VAMP4: variants seen among roughly 807,000 people sequenced by gnomAD.
VAMP4 encodes vesicle associated membrane protein 4.
In VAMP4, 19 loss-of-function variants were observed where a neutral mutation model predicts 23.5. That is an observed-to-expected ratio of 0.81 (90% CI 0.56 to 1.19). VAMP4 has a LOEUF of 1.19. VAMP4 is among the 50% of genes most tolerant of loss of function. VAMP4 has a pLI of 0.00. For missense variants in VAMP4, 145 were observed against 168.6 expected, an observed-to-expected ratio of 0.86 and a Z score of 0.78; for synonymous variants, 31 against 51.0, an observed-to-expected ratio of 0.61 and a Z score of 1.67.
At position 171,701,843 on chromosome 1, in the gene VAMP4, G is replaced by T. The variant is rs1425026876; in HGVS notation, c.*2663C>A. ...CACAGGTATTACTGAGTTATAATAA[G>T]AAGGAGTAACCAATTAATCAGTATT... On this transcript the variant is annotated 3_prime_UTR_variant, in exon 8 of 8. Transcript: ENST00000236192. 3 of 152,116 alleles carry T rather than the reference G, an allele frequency of 2.0e-5. No homozygotes were observed. Among genetic ancestry groups the T allele is most frequent in the African/African-American group, 4.8e-5 (2 of 41,464 alleles). 9.4% of individuals were successfully genotyped at this position (152,116 alleles called of 1,614,324 possible). A position where few individuals can be genotyped will look rare whatever the true frequency, so the allele number is the denominator to read the frequency against.
chr1:171,719,220 T>G lies in VAMP4; in HGVS notation c.115A>C (p.Arg39=). ...CCAAATCTTGGTCCAGATGGTCCCCTTCTGAAAACAAGTACATACCAAGTA... is the reference window on the plus strand; with the variant it reads ...CCAAATCTTGGTCCAGATGGTCCCCGTCTGAAAACAAGTACATACCAAGTA... ...DSDEEEDFFL[R]GPSGPRFGPR... Residue 39 remains arginine (R), a splice_region_variant and synonymous_variant, in exon 4 of 8, where the codon AGG becomes CGG. Transcript: ENST00000236192. 4.3e-6 allele frequency: 7 copies of G among 1,611,380 alleles called. No individual in the cohort carries two copies. The highest frequency in any genetic ancestry group is 5.9e-6 in the Non-Finnish European group (7 of 1,178,610).
At position 171,721,310 on chromosome 1, in the gene VAMP4, C is replaced by A. The variant is rs1655187521; in HGVS notation, c.114-2089G>T. 2.0e-5 allele frequency among the ~76,000 whole-genome samples: 3 copies of A among 152,024 alleles called. No homozygotes were observed. The South Asian group carries it at 6.2e-4, about 32-fold the overall frequency. ...ATTGTGCTGGATGTTCTAATCAGAG[C>A]AATAAGCTAATAAAAAATAAAAGGC... On this transcript the variant is annotated intron_variant, in intron 3 of 7. Coordinates refer to ENST00000236192, the MANE Select transcript of VAMP4 (RefSeq NM_003762.5).
intron 3 of VAMP4, among the ~76,000 whole-genome samples, chr1:171,726,780 GCAAAAA>G (rs1655383234): frequency 6.6e-6 from 1 of 151,742 alleles, no homozygotes; most frequent in African/African-American, 2.4e-5. Context: ...GAAAAAAATA[GCAAAAA>G]CAATAGGAAA....
At chr1:171,721,393 A>G (rs1392787546) in intron 3 of VAMP4, among the ~76,000 whole-genome samples, 1 of 152,170 alleles carries the variant, frequency 6.6e-6, no homozygotes, top group Non-Finnish European at 1.5e-5. Flanking sequence ...TAATTGTTCT[A>G]TGTTGAAAAT....
chr1:171,719,357 C>T (rs1655118265), intron 3 of VAMP4, 136 bp from the exon 4 acceptor site: 1 of 623,200 alleles, frequency 1.6e-6, no homozygotes, highest in African/African-American at 1.9e-5. Flanking sequence ...TCATAAGGGA[C>T]CACATTTTAC....
chr1:171,721,934 C>G (rs6665590), intron 3 of VAMP4, among the ~76,000 whole-genome samples: 2 of 151,946 alleles, frequency 1.3e-5, no homozygotes, highest in Non-Finnish European at 2.9e-5. Context: ...CAAAAAAGAG[C>G]CCACATTGCC....
chr1:171,711,260 A>G (rs1654840294), intron 4 of VAMP4, among the ~76,000 whole-genome samples: 1 of 152,130 alleles, frequency 6.6e-6, no homozygotes, highest in Non-Finnish European at 1.5e-5. Context: ...ACTTTTTAAC[A>G]TACCTTTTGC....
At chr1:171,706,987 TAAG>T (rs945305590) in intron 6 of VAMP4, among the ~76,000 whole-genome samples, 26 of 152,294 alleles carry the variant, frequency 1.7e-4, no homozygotes, top group African/African-American at 5.5e-4. Flanking sequence ...TGGCTTTACT[TAAG>T]AAGATTTGAA....
At chr1:171,735,363 C>G (rs145333046) in intron 2 of VAMP4, among the ~76,000 whole-genome samples, 3 of 152,138 alleles carry the variant, frequency 2.0e-5, no homozygotes, top group Admixed American at 2.0e-4. Context: ...TTGGCTACAA[C>G]CTTCTCTGCT....
chr1:171,714,952 T>C (rs1654980476), intron 4 of VAMP4, among the ~76,000 whole-genome samples: 1 of 152,172 alleles, frequency 6.6e-6, no homozygotes, highest in South Asian at 2.1e-4. Context: ...GAATTCAGCC[T>C]GGACCAGAGA....
chr1:171,736,570 ATCATTGGTGAC>A (rs1257844904), intron 2 of VAMP4, among the ~76,000 whole-genome samples: 1 of 152,230 alleles, frequency 6.6e-6, no homozygotes, highest in African/African-American at 2.4e-5. Flanking sequence ...CAACATGGAA[ATCATTGGTGAC>A]TCCTTAAAGT....
chr1:171,739,127 G>A (rs937986683), intron 1 of VAMP4, among the ~76,000 whole-genome samples: 1 of 152,186 alleles, frequency 6.6e-6, no homozygotes, highest in African/African-American at 2.4e-5. Flanking sequence ...TTAGCCCCCA[G>A]ATAGATTCCA....
intron 1 of VAMP4, 85 bp from the exon 2 acceptor site, chr1:171,738,548 TG>T: frequency 7.6e-6 from 6 of 790,462 alleles, no homozygotes; most frequent in Non-Finnish European, 1.2e-5. Flanking sequence ...AAACCCTGTA[TG>T]ACAGGGACTC....
rs1467432301 is a variant in VAMP4 at position 171,701,112 on chromosome 1, G to GA, written c.*3393dup. The GA allele has an allele frequency of 7.9e-5, 12 of 152,034 alleles. No homozygotes were observed. Among genetic ancestry groups the GA allele is most frequent in the Admixed American group, 3.3e-4 (5 of 15,256 alleles). 9.4% of individuals were successfully genotyped at this position (152,034 alleles called of 1,614,324 possible). A position where few individuals can be genotyped will look rare whatever the true frequency, so the allele number is the denominator to read the frequency against. ...ACAAATTTCATTTGTCTACAACATG[G>GA]AAAAAACAAGTTAAGAAGTAGAGCA... On this transcript the variant is annotated 3_prime_UTR_variant, in exon 8 of 8. Coordinates refer to ENST00000236192, the MANE Select transcript of VAMP4 (RefSeq NM_003762.5).
At chr1:171,730,965 G>A (rs931160704) in intron 2 of VAMP4, among the ~76,000 whole-genome samples, 4 of 152,068 alleles carry the variant, frequency 2.6e-5, no homozygotes, top group African/African-American at 9.7e-5. Flanking sequence ...AGCACTTTGG[G>A]AGGCCCAGGC....
rs1404152385 is a variant in VAMP4 at position 171,738,448 on chromosome 1, A to G, written c.-34T>C. On this transcript the variant is annotated 5_prime_UTR_variant, in exon 2 of 8. Coordinates refer to ENST00000236192, the MANE Select transcript of VAMP4 (RefSeq NM_003762.5). ...CTTGCAAAGTATCTTTTGCTTCTCA[A>G]CAGGATAGTCACCACCTTAAAGAGA... The G allele has an allele frequency of 1.9e-6, 3 of 1,601,518 alleles. No homozygotes were observed. The African/African-American group carries it at 4.0e-5, about 21-fold the overall frequency.
chr1:171,738,269 G>GT (rs757305421), intron 2 of VAMP4, 80 bp downstream of exon 2: 6 of 1,550,144 alleles, frequency 3.9e-6, no homozygotes, highest in Non-Finnish European at 5.3e-6. Flanking sequence ...CGCCCGGATG[G>GT]TTTTTCTTCT....
chr1:171,719,145 C>A (rs539439207), intron 4 of VAMP4, 26 bp downstream of exon 4: 2 of 1,603,624 alleles, frequency 1.2e-6, no homozygotes, highest in Middle Eastern at 3.4e-4. Flanking sequence ...ATATGATTAT[C>A]ATTTAAACAA....
intron 6 of VAMP4, among the ~76,000 whole-genome samples, chr1:171,706,887 T>C (rs1423200338): frequency 6.6e-6 from 1 of 152,208 alleles, no homozygotes; most frequent in African/African-American, 2.4e-5. Flanking sequence ...TTTATTAATC[T>C]GAAGCATTTC....
Sources: gnomAD v4.1 joint callset for allele counts (sites outside exome capture counted in the v4.1 genomes callset) on GRCh38, gnomAD v4.1.1 for gene constraint, MANE v1.5 for transcripts, NCBI Gene and HGNC (gene_info 2026-07-23, HGNC 2026-07-21) for gene names.